Variants in TRDN observed in about 807,000 individuals in gnomAD.
TRDN encodes the protein triadin in skeletal muscle.
TRDN carries 161 observed loss-of-function variants against 149.7 expected under a neutral mutation model. The observed-to-expected ratio is 1.08, with a 90% CI of 0.95 to 1.23. The LOEUF is 1.23. Ranked by LOEUF, TRDN falls within the 50% of genes most tolerant of loss-of-function variation. The pLI is 0.00. For missense variants in TRDN, 896 were observed against 823.5 expected (o/e 1.09, Z -1.08); for synonymous variants, 294 against 250.5 (o/e 1.17, Z -1.64).
chr6:123,545,213 A>G (rs1379793069), intron 4 of TRDN, among the ~76,000 whole-genome samples: 1 of 151,976 alleles, frequency 6.6e-6, no homozygotes, highest in Non-Finnish European at 1.5e-5. Context: ...TTAAAAGACT[A>G]TCATTCTACA....
At chr6:123,572,432 T>C (rs1316740853) in intron 1 of TRDN, among the ~76,000 whole-genome samples, 1 of 152,126 alleles carries the variant, frequency 6.6e-6, no homozygotes, top group Non-Finnish European at 1.5e-5. Context: ...AAATTGATAC[T>C]ACTGTATGGC....
At chr6:123,368,611 A>G (rs541601523) in intron 19 of TRDN, among the ~76,000 whole-genome samples, 6 of 152,266 alleles carry the variant, frequency 3.9e-5, no homozygotes, top group Admixed American at 6.5e-5. Context: ...ATACAATTAC[A>G]TGATCTCTGA....
intron 24 of TRDN, among the ~76,000 whole-genome samples, chr6:123,300,728 G>C (rs568646391): frequency 2.6e-5 from 4 of 152,012 alleles, no homozygotes; most frequent in Non-Finnish European, 4.4e-5. Flanking sequence ...GCCAATAATA[G>C]TGTTCTATTC....
chr6:123,316,411 C>T (rs1217246806), intron 24 of TRDN, 46 bp downstream of exon 24: 1 of 1,573,572 alleles, frequency 6.4e-7, no homozygotes, highest in Non-Finnish European at 8.7e-7. Context: ...TTCTTCCAAC[C>T]AAACAGAACA....
chr6:123,250,963 C>G lies in TRDN; in HGVS notation c.1975+1449G>C, dbSNP rs977296133. On this transcript the variant is annotated intron_variant, in intron 38 of 40. Transcript: ENST00000334268. ...TCTGATGCTATCTTTCTTTGTCAGT[C>G]ATTTCTATCCTTTTCTCCAGCTATC... is the stretch of plus-strand genomic sequence containing the variant. Among the ~76,000 whole-genome samples the G allele has an allele frequency of 2.4e-4, 37 of 152,234 alleles. 1 individual carries two copies. Among genetic ancestry groups the G allele is most frequent in the African/African-American group, 8.7e-4 (36 of 41,558 alleles).
intron 9 of TRDN, among the ~76,000 whole-genome samples, chr6:123,473,620 G>A (rs1326564061): frequency 1.3e-5 from 2 of 151,418 alleles, no homozygotes; most frequent in East Asian, 3.9e-4. Flanking sequence ...CTCGAGAAGA[G>A]CAACTCCAAG....
intron 38 of TRDN, among the ~76,000 whole-genome samples, chr6:123,242,536 T>C (rs571364980): frequency 4.6e-5 from 7 of 152,242 alleles, no homozygotes; most frequent in African/African-American, 1.7e-4. Context: ...GGGAGCAAGA[T>C]GGCTGTTTAG....
At chr6:123,314,058 G>A (rs1778930600) in intron 24 of TRDN, among the ~76,000 whole-genome samples, 1 of 152,010 alleles carries the variant, frequency 6.6e-6, no homozygotes, top group South Asian at 2.1e-4. Flanking sequence ...AGAGTAAACA[G>A]ACAACCTACA....
intron 39 of TRDN, among the ~76,000 whole-genome samples, chr6:123,223,209 T>G (rs779072366): frequency 6.6e-6 from 1 of 151,768 alleles, no homozygotes; most frequent in Non-Finnish European, 1.5e-5. Flanking sequence ...ATACAGCATG[T>G]TCTCACTTAA....
intron 38 of TRDN, among the ~76,000 whole-genome samples, chr6:123,224,359 AAGGTTACTT>A (rs1179790492): frequency 6.6e-6 from 1 of 151,688 alleles, no homozygotes; most frequent in Non-Finnish European, 1.5e-5. Flanking sequence ...CAGGCTGGTA[AAGGTTACTT>A]AGGGAAAAGG....
chr6:123,303,796 A>C (rs1195451019), intron 24 of TRDN, among the ~76,000 whole-genome samples: 1 of 152,224 alleles, frequency 6.6e-6, no homozygotes, highest in Non-Finnish European at 1.5e-5. Flanking sequence ...TTCCCTACAG[A>C]TGTCCATTTT....
chr6:123,301,776 T>TATAC (rs1778433852), intron 24 of TRDN, among the ~76,000 whole-genome samples: 12 of 139,848 alleles, frequency 8.6e-5, no homozygotes, highest in African/African-American at 2.6e-4. Context: ...TATACATATA[T>TATAC]ATATATATAT....
chr6:123,289,284 T>C (rs775008040), intron 24 of TRDN, among the ~76,000 whole-genome samples: 37 of 151,576 alleles, frequency 2.4e-4, no homozygotes, highest in Non-Finnish European at 3.8e-4. Flanking sequence ...GTCAATCTCA[T>C]AGAAACAGAG....
intron 9 of TRDN, among the ~76,000 whole-genome samples, chr6:123,491,128 C>A (rs796067210): frequency 6.5e-5 from 7 of 108,338 alleles, no homozygotes; most frequent in Non-Finnish European, 2.0e-5. Context: ...AAAGAAGGAA[C>A]GAAAGAAGGA....
chr6:123,383,009 T>C (rs1320686961), intron 14 of TRDN, among the ~76,000 whole-genome samples: 1 of 152,090 alleles, frequency 6.6e-6, no homozygotes, highest in African/African-American at 2.4e-5. Context: ...AGAATCATAA[T>C]AATGAACTAT....
intron 9 of TRDN, among the ~76,000 whole-genome samples, chr6:123,467,496 A>G (rs191048485): frequency 3.3e-5 from 5 of 152,150 alleles, no homozygotes; most frequent in Admixed American, 2.6e-4. Context: ...CAGTGGACAC[A>G]ATGGGTAACA....
chr6:123,282,521 T>C (rs1777620535), intron 24 of TRDN, among the ~76,000 whole-genome samples: 1 of 151,904 alleles, frequency 6.6e-6, no homozygotes, highest in African/African-American at 2.4e-5. Context: ...TATATTTATA[T>C]TAAACTGTAT....
At chr6:123,572,632 G>A (rs187399203) in intron 1 of TRDN, among the ~76,000 whole-genome samples, 1 of 152,134 alleles carries the variant, frequency 6.6e-6, no homozygotes, top group East Asian at 1.9e-4. Flanking sequence ...AAATTATACA[G>A]ATGTGAAGTA....
intron 1 of TRDN, among the ~76,000 whole-genome samples, chr6:123,588,911 A>C (rs1783646276): frequency 6.6e-6 from 1 of 152,172 alleles, no homozygotes; most frequent in African/African-American, 2.4e-5. Context: ...AAATAACAGA[A>C]ATCATGGCCA....
Sources: allele counts gnomAD v4.1 joint callset (sites outside exome capture counted in the v4.1 genomes callset), GRCh38; gene constraint gnomAD v4.1.1; transcripts MANE v1.5; gene names NCBI Gene and HGNC (gene_info 2026-07-23, HGNC 2026-07-21).